LRRFIP2: variants seen among roughly 807,000 people sequenced by gnomAD.
LRRFIP2 encodes the protein LRR binding FLII interacting protein 2, also known as leucine-rich repeat flightless-interacting protein 2.
Under a neutral mutation model 125.9 loss-of-function variants are expected in LRRFIP2, and 109 were observed. That is an observed-to-expected ratio of 0.87 (90% confidence interval 0.74 to 1.01). The LOEUF is 1.01. Ranked by LOEUF, LRRFIP2 falls within the 50% of genes least tolerant of loss-of-function variation. The pLI, the probability that LRRFIP2 is intolerant of heterozygous loss-of-function variation, is 0.00. For synonymous variants in LRRFIP2, 291 were observed against 293.1 expected (o/e 0.99, Z 0.07); for missense variants, 850 against 862.3 (o/e 0.99, Z 0.18).
chr3:37,118,186 T>C (rs2149513744), intron 6 of LRRFIP2, among the ~76,000 whole-genome samples: 1 of 152,058 alleles, frequency 6.6e-6, no homozygotes, highest in Non-Finnish European at 1.5e-5. Context: ...CCCAACTGGC[T>C]GAGACCACAG....
intron 1 of LRRFIP2, among the ~76,000 whole-genome samples, chr3:37,158,684 T>C (rs2096261935): frequency 6.6e-6 from 1 of 150,410 alleles, no homozygotes; most frequent in Non-Finnish European, 1.5e-5. Context: ...TAAGCCTAGG[T>C]AGCAAAGAAC....
Position 37,159,989 on chromosome 3 carries a change from C to CAAAAA in LRRFIP2, c.-55-10956_-55-10952dup, listed in dbSNP as rs58005486. Among the ~76,000 whole-genome samples, 45 of 46,944 alleles carry CAAAAA rather than the reference C, an allele frequency of 9.6e-4. 1 individual carries two copies. The East Asian group carries it at 0.014, about 14-fold the overall frequency. The allele number at this position is 46,944 out of a possible 152,430, so 30.8% of individuals were successfully genotyped here. A position where few individuals can be genotyped will look rare whatever the true frequency, so the allele number is the denominator to read the frequency against. ...GAGCCCAATGAGTAAGCCCTATGCG[C>CAAAAA]AAAAAAAAAAAAAAAAAAAAAAAAA... is the stretch of plus-strand genomic sequence containing the variant. On this transcript the variant is annotated intron_variant, in intron 1 of 27. Transcript: ENST00000336686.
intron 19 of LRRFIP2, among the ~76,000 whole-genome samples, chr3:37,075,900 T>A (rs955332545): frequency 2.6e-5 from 4 of 152,030 alleles, no homozygotes; most frequent in Non-Finnish European, 5.9e-5. Flanking sequence ...AATATACAAA[T>A]ATATTTAAAA....
At chr3:37,094,400 C>T (rs765889716) in intron 17 of LRRFIP2, among the ~76,000 whole-genome samples, 1 of 152,296 alleles carries the variant, frequency 6.6e-6, no homozygotes, top group East Asian at 1.9e-4. Flanking sequence ...TAACTATATT[C>T]AAGCAGCTGA....
intron 14 of LRRFIP2, 22 bp from the exon 15 acceptor site, chr3:37,103,035 A>C: frequency 6.6e-7 from 1 of 1,525,080 alleles, no homozygotes; most frequent in Non-Finnish European, 8.9e-7. Flanking sequence ...AAAAAAAACA[A>C]GATGCTTTCA....
intron 18 of LRRFIP2, among the ~76,000 whole-genome samples, chr3:37,089,618 A>G (rs955587070): frequency 2.6e-5 from 4 of 152,066 alleles, no homozygotes; most frequent in South Asian, 2.1e-4. Flanking sequence ...AAGGGATCTC[A>G]TCTGTTCAAA....
At chr3:37,062,649 TG>T (rs2089100949) in intron 24 of LRRFIP2, among the ~76,000 whole-genome samples, 1 of 152,164 alleles carries the variant, frequency 6.6e-6, no homozygotes, top group Non-Finnish European at 1.5e-5. Flanking sequence ...TCAACAGCCA[TG>T]CTCGAAGTCA....
intron 19 of LRRFIP2, among the ~76,000 whole-genome samples, chr3:37,077,003 G>A (rs1197389790): frequency 1.3e-5 from 2 of 152,056 alleles, no homozygotes; most frequent in Middle Eastern, 3.2e-3. Context: ...TAAGAGAAAC[G>A]GAAACAAACA....
At chr3:37,101,991 T>TA in intron 15 of LRRFIP2, among the ~76,000 whole-genome samples, 1 of 152,308 alleles carries the variant, frequency 6.6e-6, no homozygotes, top group East Asian at 1.9e-4. Flanking sequence ...TCCAAATATT[T>TA]AAAATATATT....
chr3:37,119,588 T>C (rs1019786918), intron 6 of LRRFIP2, among the ~76,000 whole-genome samples: 3 of 152,342 alleles, frequency 2.0e-5, no homozygotes, highest in African/African-American at 7.2e-5. Flanking sequence ...AAGAGGATTA[T>C]TTTCACAGCC....
intron 21 of LRRFIP2, among the ~76,000 whole-genome samples, chr3:37,068,962 A>T (rs1031984692): frequency 1.3e-5 from 2 of 152,236 alleles, no homozygotes; most frequent in Non-Finnish European, 2.9e-5. Flanking sequence ...AATAATGGAC[A>T]TATTTCTTCA....
At chr3:37,064,059 G>T (rs761319916) in intron 23 of LRRFIP2, 1 of 409,556 alleles carries the variant, frequency 2.4e-6, no homozygotes, top group Non-Finnish European at 4.4e-6. Context: ...AAGACAAACA[G>T]AAGTACAAAG....
At position 37,102,974 on chromosome 3, in the gene LRRFIP2, C is replaced by A; in HGVS notation, c.823G>T (p.Gly275Ter). 1 of 1,566,706 alleles carries A rather than the reference C, an allele frequency of 6.4e-7. No individual in the cohort carries two copies. The highest frequency in any genetic ancestry group is 8.7e-7 in the Non-Finnish European group (1 of 1,153,808). The change falls in exon 15 of 28, where the codon GGA (glycine) becomes TGA (stop). Residue 275 changes from glycine to a stop codon, truncating the protein, a stop_gained. Coordinates refer to ENST00000336686, the MANE Select transcript of LRRFIP2 (RefSeq NM_006309.4). LOFTEE classifies it high-confidence loss of function. ...TCATCCACCTCAGAGACAACACTTC[C>A]CCTACGATTGGAGCGACTGAAATAA... ...ADYFSRSNRR[G>*]SVVSEVDDIS...
chr3:37,069,761 G>A (rs563611249), intron 21 of LRRFIP2, among the ~76,000 whole-genome samples: 2 of 152,240 alleles, frequency 1.3e-5, no homozygotes, highest in African/African-American at 2.4e-5. Context: ...GAGTCAACTC[G>A]TGATTCAATA....
chr3:37,089,549 T>G (rs1029819312), intron 18 of LRRFIP2, among the ~76,000 whole-genome samples: 1 of 152,130 alleles, frequency 6.6e-6, no homozygotes, highest in Non-Finnish European at 1.5e-5. Flanking sequence ...CCACTTCAAG[T>G]GTCAAGGATA....
At position 37,053,022 on chromosome 3, in the gene LRRFIP2, T is replaced by A. The variant is rs912460031; in HGVS notation, c.*829A>T. ...TAGCCAATTGTGGTTGGCAAAAGGGTGTATTTAATAGAATCTGCAGGCAGA... is the reference window on the plus strand; with the variant it reads ...TAGCCAATTGTGGTTGGCAAAAGGGAGTATTTAATAGAATCTGCAGGCAGA... On this transcript the variant is annotated 3_prime_UTR_variant, in exon 28 of 28. Coordinates refer to ENST00000336686, the MANE Select transcript of LRRFIP2 (RefSeq NM_006309.4). 1 of 152,546 alleles carries A rather than the reference T, an allele frequency of 6.6e-6. No homozygotes were observed. Among genetic ancestry groups the A allele is most frequent in the Admixed American group, 6.5e-5 (1 of 15,280 alleles). 9.4% of individuals were successfully genotyped at this position (152,546 alleles called of 1,614,324 possible).
In LRRFIP2 at chr3:37,102,939, G is replaced by C; in HGVS notation, c.858C>G (p.Ile286Met). 1.3e-6 allele frequency: 2 copies of C among 1,560,758 alleles called. No homozygotes were observed. Among genetic ancestry groups the C allele is most frequent in the Non-Finnish European group, 1.7e-6 (2 of 1,150,764 alleles). The change falls in exon 15 of 28, where the codon ATC (isoleucine) becomes ATG (methionine). Residue 286 changes from isoleucine to methionine, a missense_variant. Transcript: ENST00000336686. ...ATACACTCACGCTGGACAAATCTGG[G>C]ATACTGATATCATCCACCTCAGAGA... is the stretch of plus-strand genomic sequence containing the variant. ...SVVSEVDDIS[I>M]PDLSSLDEKS...
intron 20 of LRRFIP2, among the ~76,000 whole-genome samples, chr3:37,074,009 A>C (rs1424825919): frequency 6.6e-6 from 1 of 152,242 alleles, no homozygotes; most frequent in African/African-American, 2.4e-5. Context: ...GATAGATCCA[A>C]AAGGTTATCT....
At chr3:37,134,379 C>T (rs1311201804) in intron 2 of LRRFIP2, among the ~76,000 whole-genome samples, 1 of 152,140 alleles carries the variant, frequency 6.6e-6, no homozygotes, top group East Asian at 1.9e-4. Flanking sequence ...CAGTTCGAGC[C>T]GGTACCTCAC....
Sources: allele counts gnomAD v4.1 joint callset (sites outside exome capture counted in the v4.1 genomes callset), GRCh38; gene constraint gnomAD v4.1.1; transcripts MANE v1.5; gene names NCBI Gene and HGNC (gene_info 2026-07-23, HGNC 2026-07-21).